Variants in CDIN1 observed in about 807,000 individuals in gnomAD.
CDIN1 encodes the protein CDAN1 interacting nuclease 1, also known as CDAN1-interacting nuclease 1.
Under a neutral mutation model 45.3 loss-of-function variants are expected in CDIN1, and 33 were observed. The observed-to-expected ratio is 0.73, with a 90% CI of 0.55 to 0.97. The LOEUF (loss-of-function observed/expected upper bound fraction) is 0.97, where lower values mean the gene tolerates loss of function less well. CDIN1 is among the 50% of genes least tolerant of loss of function. CDIN1 has a pLI of 0.00. For missense variants in CDIN1, 303 were observed against 339.4 expected (o/e 0.89, Z 0.84); for synonymous variants, 118 against 124.4 (o/e 0.95, Z 0.34).
chr15:36,803,006 G>T (rs896380401), intron 10 of CDIN1, among the ~76,000 whole-genome samples: 7 of 151,908 alleles, frequency 4.6e-5, no homozygotes, highest in Admixed American at 1.3e-4. Flanking sequence ...CTCAACACCT[G>T]TTGAGATCGA....
At chr15:36,628,219 T>G (rs553663425) in intron 1 of CDIN1, among the ~76,000 whole-genome samples, 1 of 152,004 alleles carries the variant, frequency 6.6e-6, no homozygotes, top group East Asian at 1.9e-4. Flanking sequence ...GGTCAGTTTT[T>G]CCCCCCTGCC....
rs144804448 is a variant in CDIN1, at chr15:36,617,061, G to T, written c.102-27217G>T. 943 of 773,428 alleles carry T rather than the reference G, an allele frequency of 1.2e-3. 5 individuals carry two copies. The East Asian group carries it at 0.019, about 15-fold the overall frequency. The allele number at this position is 773,428 out of a possible 1,614,324, so 47.9% of individuals were successfully genotyped here. ...TGAGCCAGTTAGAGTTGCAGCTGTG[G>T]GAACGATTGGGCCGAGCAGAGGACG... On this transcript the variant is annotated intron_variant, in intron 1 of 10. Transcript: ENST00000566621.
intron 1 of CDIN1, among the ~76,000 whole-genome samples, chr15:36,609,012 G>C (rs565655145): frequency 2.1e-5 from 3 of 146,334 alleles, no homozygotes; most frequent in Non-Finnish European, 4.5e-5. Context: ...TAGATAGATA[G>C]ATAGATAATT....
chr15:36,658,143 T>C (rs148963775), intron 5 of CDIN1: 96 of 377,670 alleles, frequency 2.5e-4, no homozygotes, highest in African/African-American at 1.9e-3. Flanking sequence ...AAATAGACAA[T>C]GTGTATCAAA....
intron 10 of CDIN1, among the ~76,000 whole-genome samples, chr15:36,712,586 T>A (rs1235460379): frequency 1.3e-5 from 2 of 152,104 alleles, no homozygotes; most frequent in Non-Finnish European, 2.9e-5. Context: ...TTTGTATAAA[T>A]CCATTTCCCA....
intron 10 of CDIN1, among the ~76,000 whole-genome samples, chr15:36,712,411 G>A (rs1395791398): frequency 6.6e-6 from 1 of 151,696 alleles, no homozygotes; most frequent in African/African-American, 2.4e-5. Context: ...GATTACAGGT[G>A]CCTCACACCA....
intron 10 of CDIN1, among the ~76,000 whole-genome samples, chr15:36,785,403 T>C (rs9944176): frequency 0.2 from 30,130 of 152,106 alleles, 5,851 homozygotes; most frequent in African/African-American, 0.51. Flanking sequence ...GGTTGTTCAG[T>C]TGAAAAGCGG....
chr15:36,803,936 T>C (rs117779338), intron 10 of CDIN1, among the ~76,000 whole-genome samples: 2,392 of 152,306 alleles, frequency 0.016, 29 homozygotes, highest in South Asian at 0.027. Context: ...TTGACTCTCT[T>C]TTTCTGGTTA....
intron 8 of CDIN1, chr15:36,705,244 G>C (rs541767551): frequency 3.9e-5 from 6 of 152,238 alleles, no homozygotes; most frequent in African/African-American, 1.4e-4. Context: ...ATAAATTGGA[G>C]AGAGGACCAT....
At chr15:36,658,774 A>G (rs2040877830) in intron 5 of CDIN1, among the ~76,000 whole-genome samples, 1 of 152,178 alleles carries the variant, frequency 6.6e-6, no homozygotes. Flanking sequence ...TCAGTAGTAC[A>G]TGTTGGATTT....
chr15:36,794,183 C>G (rs905957518), intron 10 of CDIN1, among the ~76,000 whole-genome samples: 12 of 151,480 alleles, frequency 7.9e-5, no homozygotes, highest in Non-Finnish European at 5.9e-5. Context: ...CTCAGCCTCC[C>G]GAGTAGCTGG....
intron 10 of CDIN1, among the ~76,000 whole-genome samples, chr15:36,774,163 T>TGTGTGTGTGTGTGTGTGTGCGCGCGC (rs149222188): frequency 1.0e-4 from 15 of 143,068 alleles, no homozygotes; most frequent in African/African-American, 4.0e-4. Flanking sequence ...TGTGTGTGTG[T>TGTGTGTGTGTGTGTGTGTGCGCGCGC]GCGCGCGCGC....
rs1555407049 is a variant in CDIN1 at position 36,774,133 on chromosome 15, G to GGGGTGT, written c.717-34190_717-34189insGGTGTG. On this transcript the variant is annotated intron_variant, in intron 10 of 10. Transcript: ENST00000566621. The stretch of plus-strand genomic sequence containing the variant: ...CACCTGCCGGCAAGTAACTGACAGG[G>GGGGTGT]GTGTGTGTGTGTGTGTGTGTGTGTG... Among the ~76,000 whole-genome samples, 242 of 138,818 alleles carry GGGGTGT rather than the reference G, an allele frequency of 1.7e-3. 1 individual carries two copies. The highest frequency in any genetic ancestry group is 2.5e-3 in the South Asian group (10 of 4,080). The allele number at this position is 138,818 out of a possible 152,430, so 91.1% of individuals were successfully genotyped here.
At chr15:36,627,084 G>T in intron 1 of CDIN1, 1 of 174,584 alleles carries the variant, frequency 5.7e-6, no homozygotes. Flanking sequence ...AAGCTCCTAG[G>T]CTACAGCACC....
chr15:36,619,108 G>A (rs1681164031), intron 1 of CDIN1: 2 of 1,068,590 alleles, frequency 1.9e-6, no homozygotes, highest in Non-Finnish European at 2.8e-6. Context: ...AGAAGCAAGG[G>A]CTAGTAAGGA....
At chr15:36,601,749 G>A (rs1460797089) in intron 1 of CDIN1, among the ~76,000 whole-genome samples, 1 of 152,140 alleles carries the variant, frequency 6.6e-6, no homozygotes, top group Non-Finnish European at 1.5e-5. Flanking sequence ...ATTCCTAACC[G>A]TATGAGTAAA....
chr15:36,670,032 A>G (rs2041389808), intron 5 of CDIN1, among the ~76,000 whole-genome samples: 1 of 152,080 alleles, frequency 6.6e-6, no homozygotes, highest in Non-Finnish European at 1.5e-5. Flanking sequence ...TGCCTTCTGG[A>G]GAGAGGAGTG....
intron 5 of CDIN1, among the ~76,000 whole-genome samples, chr15:36,674,867 G>A (rs1344863818): frequency 6.6e-6 from 1 of 152,034 alleles, no homozygotes; most frequent in Non-Finnish European, 1.5e-5. Context: ...TTTTCTTGCT[G>A]AACGGTAGTG....
At chr15:36,760,031 T>C (rs2053716301) in intron 10 of CDIN1, among the ~76,000 whole-genome samples, 1 of 152,220 alleles carries the variant, frequency 6.6e-6, no homozygotes, top group South Asian at 2.1e-4. Flanking sequence ...ACACTGTATA[T>C]ACTGTAGAGT....
Sources: gnomAD v4.1 joint callset for allele counts (sites outside exome capture counted in the v4.1 genomes callset) on GRCh38, gnomAD v4.1.1 for gene constraint, MANE v1.5 for transcripts, NCBI Gene and HGNC (gene_info 2026-07-23, HGNC 2026-07-21) for gene names.